SLIT3: variants seen among roughly 807,000 people sequenced by gnomAD.
SLIT3 encodes slit guidance ligand 3.
SLIT3 carries 68 observed loss-of-function variants against 184.0 expected under a neutral mutation model. The ratio of observed to expected loss-of-function variants is 0.37; its 90% CI spans 0.30 to 0.45. The LOEUF (loss-of-function observed/expected upper bound fraction) is 0.45, where lower values mean the gene tolerates loss of function less well. Among genes scored for constraint, SLIT3 ranks in the 20% least tolerant of loss-of-function variants. The pLI, the probability that SLIT3 is intolerant of heterozygous loss-of-function variation, is 1.00. For synonymous variants in SLIT3, 831 were observed against 828.6 expected, an observed-to-expected ratio of 1.00 and a Z score of -0.05; for missense variants, 1,707 against 2,026.0, an observed-to-expected ratio of 0.84 and a Z score of 3.02.
chr5:168,691,346 G>A (rs1761899568), intron 29 of SLIT3, among the ~76,000 whole-genome samples: 1 of 152,154 alleles, frequency 6.6e-6, no homozygotes. Context: ...TTCTGTGATT[G>A]GGCTTTCTGA....
At chr5:169,117,863 T>A (rs536246653) in intron 4 of SLIT3, among the ~76,000 whole-genome samples, 35 of 152,288 alleles carry the variant, frequency 2.3e-4, no homozygotes, top group South Asian at 8.3e-4. Context: ...CCTTGGCCCT[T>A]TACGTGACAC....
intron 5 of SLIT3, among the ~76,000 whole-genome samples, chr5:168,875,505 G>A (rs1759699789): frequency 6.6e-6 from 1 of 151,992 alleles, no homozygotes; most frequent in African/African-American, 2.4e-5. Context: ...GTGGTGGCAG[G>A]CACCGGTAAT....
intron 3 of SLIT3, among the ~76,000 whole-genome samples, chr5:169,238,933 G>A (rs1765297539): frequency 2.0e-5 from 3 of 152,136 alleles, no homozygotes; most frequent in African/African-American, 7.2e-5. Context: ...AATGAGTAGA[G>A]ATGGGTAATT....
Position 168,733,755 on chromosome 5 carries a change from C to T in SLIT3, c.2271-9271G>A, listed in dbSNP as rs771363757. The stretch of plus-strand genomic sequence containing the variant: ...GCACATGTATACCTACATAACAAAC[C>T]TGTACATTCACACATCTATCCTGGA... On this transcript the variant is annotated intron_variant, in intron 20 of 35. Coordinates refer to ENST00000519560, the MANE Select transcript of SLIT3 (RefSeq NM_003062.4). 6.6e-4 allele frequency among the ~76,000 whole-genome samples: 100 copies of T among 150,898 alleles called. 1 individual carries two copies. The highest frequency in any genetic ancestry group is 1.3e-3 in the Admixed American group (20 of 15,136).
intron 4 of SLIT3, among the ~76,000 whole-genome samples, chr5:169,064,520 A>C (rs1291982757): frequency 6.6e-6 from 1 of 152,178 alleles, no homozygotes; most frequent in East Asian, 1.9e-4. Flanking sequence ...CAGGGATGTA[A>C]AATGACTTGT....
intron 4 of SLIT3, among the ~76,000 whole-genome samples, chr5:169,129,711 C>A (rs574792213): frequency 6.6e-6 from 1 of 152,040 alleles, no homozygotes; most frequent in Non-Finnish European, 1.5e-5. Context: ...CATGGCACTG[C>A]GGAGTAAATC....
chr5:168,963,165 C>A (rs193271651), intron 4 of SLIT3, among the ~76,000 whole-genome samples: 95 of 152,292 alleles, frequency 6.2e-4, no homozygotes, highest in African/African-American at 2.2e-3. Context: ...TGCAGTCACT[C>A]ATGCTTATTT....
chr5:168,787,588 CTTATCT>C (rs917484215), intron 11 of SLIT3, among the ~76,000 whole-genome samples: 73 of 152,246 alleles, frequency 4.8e-4, no homozygotes, highest in African/African-American at 1.7e-3. Flanking sequence ...CTTCATATCG[CTTATCT>C]TTATGTCACA....
intron 26 of SLIT3, among the ~76,000 whole-genome samples, chr5:168,703,815 G>A (rs977351833): frequency 6.6e-6 from 1 of 151,912 alleles, no homozygotes; most frequent in African/African-American, 2.4e-5. Flanking sequence ...AGCTGGGCGT[G>A]GTGGTGGGCA....
At chr5:169,159,657 G>T (rs972718862) in intron 4 of SLIT3, among the ~76,000 whole-genome samples, 3 of 151,754 alleles carry the variant, frequency 2.0e-5, no homozygotes, top group Non-Finnish European at 4.4e-5. Flanking sequence ...GCACCTGTAG[G>T]CCCAGCTACT....
intron 4 of SLIT3, among the ~76,000 whole-genome samples, chr5:169,093,582 C>G (rs1339384406): frequency 6.6e-6 from 1 of 152,310 alleles, no homozygotes; most frequent in Admixed American, 6.5e-5. Context: ...CCTTACAACC[C>G]TTCCTGCCCC....
chr5:168,685,593 A>G (rs1385733854), intron 31 of SLIT3, 94 bp downstream of exon 31: 85 of 1,437,576 alleles, frequency 5.9e-5, no homozygotes, highest in Non-Finnish European at 7.0e-5. Context: ...ATGGTGCTTT[A>G]CTGTTAAGAT....
At chr5:169,237,787 T>A (rs969460594) in intron 3 of SLIT3, among the ~76,000 whole-genome samples, 1 of 152,226 alleles carries the variant, frequency 6.6e-6, no homozygotes, top group Non-Finnish European at 1.5e-5. Context: ...GTTGAGTTTT[T>A]AAATCTCTTT....
chr5:169,292,127 G>A (rs1010943977), intron 1 of SLIT3, among the ~76,000 whole-genome samples: 1 of 152,126 alleles, frequency 6.6e-6, no homozygotes, highest in Admixed American at 6.5e-5. Context: ...TCCAGAAAAT[G>A]TGCCCGATGC....
intron 12 of SLIT3, among the ~76,000 whole-genome samples, chr5:168,781,329 T>C (rs1755962300): frequency 6.6e-6 from 1 of 152,210 alleles, no homozygotes; most frequent in Admixed American, 6.5e-5. Context: ...CCCTCAGGAC[T>C]ATTAGGGTGG....
chr5:169,026,885 G>A (rs1000545751), intron 4 of SLIT3, among the ~76,000 whole-genome samples: 1 of 152,140 alleles, frequency 6.6e-6, no homozygotes, highest in African/African-American at 2.4e-5. Context: ...ACTGTACCAG[G>A]CACTGTGGTG....
intron 23 of SLIT3, among the ~76,000 whole-genome samples, chr5:168,713,182 G>A (rs1299559088): frequency 1.3e-5 from 2 of 152,202 alleles, no homozygotes; most frequent in Non-Finnish European, 1.5e-5. Flanking sequence ...ACACATACAC[G>A]AGTCTGGCAC....
intron 14 of SLIT3, among the ~76,000 whole-genome samples, chr5:168,767,348 AAC>A (rs1755382735): frequency 6.6e-6 from 1 of 152,324 alleles, no homozygotes; most frequent in East Asian, 1.9e-4. Context: ...AGGAATGAAC[AAC>A]ACAGTCTTCT....
At chr5:168,836,666 T>C (rs926521868) in intron 6 of SLIT3, among the ~76,000 whole-genome samples, 2 of 152,164 alleles carry the variant, frequency 1.3e-5, no homozygotes, top group Non-Finnish European at 2.9e-5. Flanking sequence ...AGCTGGAATG[T>C]GTGGCCCCTG....
Sources: gnomAD v4.1 joint callset for allele counts (sites outside exome capture counted in the v4.1 genomes callset) on GRCh38, gnomAD v4.1.1 for gene constraint, MANE v1.5 for transcripts, NCBI Gene and HGNC (gene_info 2026-07-23, HGNC 2026-07-21) for gene names.